The following IGF2BP2 variants were observed in gnomAD, a reference collection of about 807,000 sequenced individuals.
IGF2BP2 encodes insulin like growth factor 2 mRNA binding protein 2, also known as insulin-like growth factor 2 mRNA-binding protein 2.
A neutral mutation model predicts 75.8 loss-of-function variants in IGF2BP2; 17 were observed. The ratio of observed to expected loss-of-function variants is 0.22; its 90% CI spans 0.15 to 0.34. The LOEUF (loss-of-function observed/expected upper bound fraction) is 0.34. Among genes scored for constraint, IGF2BP2 ranks in the 10% least tolerant of loss-of-function variants. IGF2BP2 has a pLI of 1.00. For synonymous variants in IGF2BP2, 288 were observed against 295.6 expected, an observed-to-expected ratio of 0.97 and a Z score of 0.26; for missense variants, 516 against 772.4, an observed-to-expected ratio of 0.67 and a Z score of 3.93.
At chr3:185,812,722 G>A (rs1740067700) in intron 2 of IGF2BP2, among the ~76,000 whole-genome samples, 1 of 152,158 alleles carries the variant, frequency 6.6e-6, no homozygotes. Context: ...AGCAACAAAT[G>A]CAGTTGTCTT....
intron 2 of IGF2BP2, among the ~76,000 whole-genome samples, chr3:185,783,295 A>C (rs1735443835): frequency 6.6e-6 from 1 of 152,186 alleles, no homozygotes; most frequent in Admixed American, 6.6e-5. Flanking sequence ...TGAGAAGGTC[A>C]TGGAAGGCCT....
intron 2 of IGF2BP2, among the ~76,000 whole-genome samples, chr3:185,709,158 T>C (rs1284465515): frequency 6.6e-6 from 1 of 152,246 alleles, no homozygotes; most frequent in Non-Finnish European, 1.5e-5. Flanking sequence ...AGTATATAAA[T>C]GTTTGCTTTG....
chr3:185,814,709 A>G (rs1246987690), intron 2 of IGF2BP2, among the ~76,000 whole-genome samples: 1 of 152,188 alleles, frequency 6.6e-6, no homozygotes, highest in Admixed American at 6.5e-5. Context: ...AAAACCTCTT[A>G]TATATCTCAT....
chr3:185,674,149 C>G (rs567160342), intron 9 of IGF2BP2, among the ~76,000 whole-genome samples: 1 of 152,222 alleles, frequency 6.6e-6, no homozygotes, highest in South Asian at 2.1e-4. Context: ...AGTGAGGGAC[C>G]TGGGTTTAAT....
At chr3:185,652,550 AAGGGC>A (rs2149066290) in intron 12 of IGF2BP2, among the ~76,000 whole-genome samples, 1 of 152,282 alleles carries the variant, frequency 6.6e-6, no homozygotes, top group East Asian at 1.9e-4. Context: ...AAAGGGAAGG[AAGGGC>A]AGGTCCACCA....
At chr3:185,687,019 T>G (rs762588481) in intron 7 of IGF2BP2, 38 bp downstream of exon 7, 4 of 1,596,470 alleles carry the variant, frequency 2.5e-6, no homozygotes, top group Non-Finnish European at 2.6e-6. Flanking sequence ...CTACTCTTTT[T>G]CTCTGTTGAG....
chr3:185,797,362 A>G (rs1183338032), intron 2 of IGF2BP2, among the ~76,000 whole-genome samples: 1 of 152,146 alleles, frequency 6.6e-6, no homozygotes, highest in Non-Finnish European at 1.5e-5. Context: ...TTCTGATCCC[A>G]TGTCCGGTAC....
chr3:185,732,662 A>T (rs1304786266), intron 2 of IGF2BP2, among the ~76,000 whole-genome samples: 1 of 152,234 alleles, frequency 6.6e-6, no homozygotes, highest in Non-Finnish European at 1.5e-5. Flanking sequence ...AATGCTTTTA[A>T]GCAACCAGGT....
chr3:185,737,716 CT>C (rs1474591173), intron 2 of IGF2BP2, among the ~76,000 whole-genome samples: 1 of 152,152 alleles, frequency 6.6e-6, no homozygotes, highest in Admixed American at 6.5e-5. Context: ...ATTTACTTAA[CT>C]TCTACTCTAC....
At position 185,647,263 on chromosome 3, in the gene IGF2BP2, T is replaced by G; in HGVS notation, c.1594-125A>C. Reference sequence around the variant, plus strand: ...GAGGGGGGCTGGACTCTGCTCTCCTTTCCTTTTATCAAGGACACCCCGGGG... The same window carrying G: ...GAGGGGGGCTGGACTCTGCTCTCCTGTCCTTTTATCAAGGACACCCCGGGG... On this transcript the variant is annotated intron_variant, in intron 14 of 15. Transcript: ENST00000382199. The surrounding 1 kb of genome is among the most constrained non-coding windows in gnomAD (Gnocchi z 4.9). The G allele has an allele frequency of 1.4e-6, 1 of 723,642 alleles. No individual in the cohort carries two copies. The highest frequency in any genetic ancestry group is 2.6e-5 in the East Asian group (1 of 38,918). 44.8% of individuals were successfully genotyped at this position (723,642 alleles called of 1,614,324 possible).
chr3:185,763,890 C>G (rs895834354), intron 2 of IGF2BP2, among the ~76,000 whole-genome samples: 2 of 151,922 alleles, frequency 1.3e-5, no homozygotes, highest in African/African-American at 2.4e-5. Context: ...GGAAAGTTGA[C>G]GGGTGGAGAA....
At chr3:185,815,241 ATTC>A (rs1404083960) in intron 2 of IGF2BP2, among the ~76,000 whole-genome samples, 2 of 152,218 alleles carry the variant, frequency 1.3e-5, no homozygotes, top group African/African-American at 4.8e-5. Flanking sequence ...AACACTTTTA[ATTC>A]TTTTCAATTA....
At chr3:185,765,437 AAC>A (rs1288002442) in intron 2 of IGF2BP2, among the ~76,000 whole-genome samples, 1 of 152,090 alleles carries the variant, frequency 6.6e-6, no homozygotes, top group African/African-American at 2.4e-5. Context: ...TAGAAAGGCA[AAC>A]ACACCACCTC....
At chr3:185,783,388 A>T (rs1175407475) in intron 2 of IGF2BP2, among the ~76,000 whole-genome samples, 1 of 152,174 alleles carries the variant, frequency 6.6e-6, no homozygotes, top group Non-Finnish European at 1.5e-5. Flanking sequence ...AGAAGGACTT[A>T]AGGTGGTAGA....
rs533763422 is a variant in IGF2BP2 at position 185,643,294 on chromosome 3, C to T, written c.*2237G>A. On this transcript the variant is annotated 3_prime_UTR_variant, in exon 16 of 16. Transcript: ENST00000382199. ...GGGCATATTATCCTCCCCCTTTCCT[C>T]CACTTAAAAAGCAGCTTTGCCTGGC... 6.6e-6 allele frequency among the ~76,000 whole-genome samples: 1 copy of T among 152,314 alleles called. No individual in the cohort carries two copies. The highest frequency in any genetic ancestry group is 1.9e-4 in the East Asian group (1 of 5,170).
intron 2 of IGF2BP2, among the ~76,000 whole-genome samples, chr3:185,767,684 A>G (rs576319239): frequency 3.9e-5 from 6 of 152,298 alleles, no homozygotes; most frequent in African/African-American, 1.2e-4. Context: ...TAATTATAAA[A>G]TATTTTAAAA....
Position 185,645,686 on chromosome 3 carries a change from C to T in IGF2BP2, c.1708-63G>A. The T allele has an allele frequency of 8.0e-7, 1 of 1,255,696 alleles. No individual in the cohort carries two copies. The highest frequency in any genetic ancestry group is 1.2e-6 in the Non-Finnish European group (1 of 855,158). 77.8% of individuals were successfully genotyped at this position (1,255,696 alleles called of 1,614,324 possible). ...GAAAAAAGGAACCCAGTTCTGAGGA[C>T]AAACGGCAGGGGAGGCTCTGGGGCT... On this transcript the variant is annotated intron_variant, in intron 15 of 15. Transcript: ENST00000382199. The surrounding 1 kb of genome is among the most constrained non-coding windows in gnomAD (Gnocchi z 4.9).
intron 2 of IGF2BP2, among the ~76,000 whole-genome samples, chr3:185,733,974 G>A (rs533949658): frequency 6.6e-6 from 1 of 152,228 alleles, no homozygotes; most frequent in East Asian, 1.9e-4. Flanking sequence ...GAAAGAGTGT[G>A]TACATTCATT....
chr3:185,716,802 C>T (rs369197559), intron 2 of IGF2BP2: 5 of 518,608 alleles, frequency 9.6e-6, no homozygotes, highest in African/African-American at 5.8e-5. Context: ...TAACATTTCA[C>T]CTTAACTGAG....
Sources: allele counts gnomAD v4.1 joint callset (sites outside exome capture counted in the v4.1 genomes callset), GRCh38; gene constraint gnomAD v4.1.1; non-coding constraint Gnocchi (gnomAD v3.1); transcripts MANE v1.5; gene names NCBI Gene and HGNC (gene_info 2026-07-23, HGNC 2026-07-21).